B4GALT5: variants seen among roughly 807,000 people sequenced by gnomAD.
B4GALT5 encodes beta-1,4-galactosyltransferase 5.
Under a neutral mutation model 45.0 loss-of-function variants are expected in B4GALT5, and 11 were observed. The ratio of observed to expected loss-of-function variants is 0.24; its 90% CI spans 0.15 to 0.40. The LOEUF (loss-of-function observed/expected upper bound fraction) is 0.40, where lower values mean the gene tolerates loss of function less well. Among genes scored for constraint, B4GALT5 ranks in the 10% least tolerant of loss-of-function variants. The pLI is 1.00. For missense variants in B4GALT5, 337 were observed against 500.2 expected (o/e 0.67, Z 3.11); for synonymous variants, 185 against 182.9 (o/e 1.01, Z -0.09).
chr20:49,640,229 T>C (rs1156538578), intron 6 of B4GALT5, among the ~76,000 whole-genome samples: 1 of 152,248 alleles, frequency 6.6e-6, no homozygotes, highest in African/African-American at 2.4e-5. Context: ...CCTGGAATCA[T>C]ATGATACACA....
intron 5 of B4GALT5, among the ~76,000 whole-genome samples, chr20:49,641,935 CA>C (rs36119710): frequency 7.8e-4 from 111 of 142,016 alleles, no homozygotes; most frequent in Admixed American, 9.2e-4. Context: ...TATGCAGGAC[CA>C]AAAAAAAAAA....
At chr20:49,663,556 T>C (rs1209083886) in intron 1 of B4GALT5, among the ~76,000 whole-genome samples, 1 of 150,598 alleles carries the variant, frequency 6.6e-6, no homozygotes, top group Non-Finnish European at 1.5e-5. Context: ...AAAAATTATC[T>C]AGCTGGGCAT....
chr20:49,656,058 G>A (rs564124689), intron 2 of B4GALT5, among the ~76,000 whole-genome samples: 219 of 152,260 alleles, frequency 1.4e-3, no homozygotes, highest in African/African-American at 5.2e-3. Context: ...GCCTACAGCA[G>A]GTGTTTGGTT....
At chr20:49,685,233 C>T (rs1275688852) in intron 1 of B4GALT5, among the ~76,000 whole-genome samples, 2 of 152,158 alleles carry the variant, frequency 1.3e-5, no homozygotes, top group African/African-American at 2.4e-5. Flanking sequence ...GACTAAGAGG[C>T]TAACATGTGT....
intron 2 of B4GALT5, among the ~76,000 whole-genome samples, chr20:49,647,878 C>T (rs939475265): frequency 2.6e-5 from 4 of 152,066 alleles, no homozygotes; most frequent in Non-Finnish European, 5.9e-5. Context: ...CCCTTCTGTA[C>T]TCTGTGCTGC....
At chr20:49,644,629 C>G (rs576172786) in intron 3 of B4GALT5, among the ~76,000 whole-genome samples, 15 of 152,288 alleles carry the variant, frequency 9.8e-5, no homozygotes, top group African/African-American at 2.9e-4. Context: ...TTAGGCCTGT[C>G]AACGCCTATT....
intron 8 of B4GALT5, 70 bp downstream of exon 8, chr20:49,637,271 T>C: frequency 7.2e-7 from 1 of 1,388,352 alleles, no homozygotes; most frequent in East Asian, 2.3e-5. Context: ...GGGGCTGTAA[T>C]ATGCTCTAAG....
At chr20:49,712,750 GTCT>G (rs1188327999) in intron 1 of B4GALT5, among the ~76,000 whole-genome samples, 1 of 146,200 alleles carries the variant, frequency 6.8e-6, no homozygotes, top group Non-Finnish European at 1.5e-5. Flanking sequence ...CCTTCCCCAG[GTCT>G]TCAGTTGAGA....
chr20:49,688,808 G>A (rs993946544), intron 1 of B4GALT5, among the ~76,000 whole-genome samples: 74 of 151,986 alleles, frequency 4.9e-4, no homozygotes, highest in African/African-American at 1.7e-3. Context: ...TTGGTGGCGC[G>A]TGCCTGTAAT....
intron 6 of B4GALT5, among the ~76,000 whole-genome samples, chr20:49,640,032 TTTTAG>T (rs1465130195): frequency 2.0e-5 from 3 of 152,272 alleles, no homozygotes; most frequent in Admixed American, 6.5e-5. Context: ...CATTCAATGG[TTTTAG>T]TTTATTCACT....
At position 49,636,302 on chromosome 20, in the gene B4GALT5, T is replaced by C; in HGVS notation, c.*10A>G. 6.2e-7 allele frequency: 1 copy of C among 1,613,798 alleles called. No homozygotes were observed. The highest frequency in any genetic ancestry group is 8.5e-7 in the Non-Finnish European group (1 of 1,179,830). The stretch of plus-strand genomic sequence containing the variant: ...TGGCGGTGGGTAAAGCAAACGTACA[T>C]TCTCTCCTCTCAGTACTCGTTCACC... On this transcript the variant is annotated 3_prime_UTR_variant, in exon 9 of 9. Transcript: ENST00000371711.
At chr20:49,656,756 A>G (rs41283574) in intron 1 of B4GALT5, 54 bp from the exon 2 acceptor site, 37 of 1,612,022 alleles carry the variant, frequency 2.3e-5, no homozygotes, top group Non-Finnish European at 3.1e-5. Flanking sequence ...ATCATTTAAA[A>G]AAACATACCA....
Position 49,713,628 on chromosome 20 carries a change from G to C in B4GALT5, c.63C>G (p.Phe21Leu). The change falls in exon 1 of 9, where the codon TTC becomes TTG. Residue 21 changes from phenylalanine (F) to leucine (L), a missense_variant. Phe to Leu is a conservative substitution (Grantham distance 22, BLOSUM62 0). Transcript: ENST00000371711. ...ACAGCAGCGAGGACGAGAGAGAAAAGAAGAAGAGCGCGGCGAGCAGCGAGC... is the reference window on the plus strand; with the variant it reads ...ACAGCAGCGAGGACGAGAGAGAAAACAAGAAGAGCGCGGCGAGCAGCGAGC... Reference protein sequence around the residue: ...PRRSLLAALFFFSLSSSLLYF... With the variant: ...PRRSLLAALFLFSLSSSLLYF... 5 of 1,586,260 alleles carry C rather than the reference G, an allele frequency of 3.2e-6. No individual in the cohort carries two copies. The highest frequency in any genetic ancestry group is 4.3e-6 in the Non-Finnish European group (5 of 1,168,408).
In B4GALT5 at chr20:49,697,575, CTT is replaced by C. The variant is rs11475400; in HGVS notation, c.115+15999_115+16000del. 5.5e-3 allele frequency among the ~76,000 whole-genome samples: 783 copies of C among 143,560 alleles called. 4 individuals carry two copies. Among genetic ancestry groups the C allele is most frequent in the African/African-American group, 0.016 (623 of 39,180 alleles). The allele number at this position is 143,560 out of a possible 152,430, so 94.2% of individuals were successfully genotyped here. On this transcript the variant is annotated intron_variant, in intron 1 of 8. Coordinates refer to ENST00000371711, the MANE Select transcript of B4GALT5 (RefSeq NM_004776.4). ...GGATGGCAGAGGAAGGGGACATGTC[CTT>C]TTTTTTTTTTTTTTAACAGAAAAAC...
intron 1 of B4GALT5, among the ~76,000 whole-genome samples, chr20:49,709,114 A>G (rs1303157631): frequency 6.6e-6 from 1 of 152,142 alleles, no homozygotes; most frequent in Non-Finnish European, 1.5e-5. Context: ...ATGTATATTT[A>G]TAAATAGCTC....
chr20:49,692,865 G>T (rs924730974), intron 1 of B4GALT5, among the ~76,000 whole-genome samples: 1 of 152,174 alleles, frequency 6.6e-6, no homozygotes, highest in African/African-American at 2.4e-5. Context: ...AGATCCTGTT[G>T]TATCTTACAC....
intron 1 of B4GALT5, among the ~76,000 whole-genome samples, chr20:49,707,412 T>C (rs2146363240): frequency 6.6e-6 from 1 of 152,156 alleles, no homozygotes. Flanking sequence ...TCTTTAATTC[T>C]CTGAAGTGAA....
At position 49,660,918 on chromosome 20, in the gene B4GALT5, C is replaced by A. The variant is rs572917435; in HGVS notation, c.116-4216G>T. On this transcript the variant is annotated intron_variant, in intron 1 of 8. Coordinates refer to ENST00000371711, the MANE Select transcript of B4GALT5 (RefSeq NM_004776.4). ...AAGGCTGCAGTGAACCATGATCGTG[C>A]CACTGCACTCCAGCCTGGGCAACAG... Among the ~76,000 whole-genome samples the A allele has an allele frequency of 2.6e-5, 4 of 152,306 alleles. No homozygotes were observed. The East Asian group carries it at 7.7e-4, about 29-fold the overall frequency.
intron 1 of B4GALT5, among the ~76,000 whole-genome samples, chr20:49,658,288 T>C (rs1240826524): frequency 2.0e-5 from 3 of 152,334 alleles, no homozygotes; most frequent in African/African-American, 4.8e-5. Flanking sequence ...TTCCAGCAGA[T>C]AGGACACTGC....
Sources: allele counts gnomAD v4.1 joint callset (sites outside exome capture counted in the v4.1 genomes callset), GRCh38; gene constraint gnomAD v4.1.1; transcripts MANE v1.5; gene names NCBI Gene and HGNC (gene_info 2026-07-23, HGNC 2026-07-21).